EXT1: variants seen among roughly 807,000 people sequenced by gnomAD.
EXT1 encodes the protein exostosin glycosyltransferase 1, also known as exostosin-1.
EXT1 carries 20 observed loss-of-function variants against 82.5 expected under a neutral mutation model. The ratio of observed to expected loss-of-function variants is 0.24; its 90% CI spans 0.17 to 0.35. The LOEUF is 0.35. Among genes scored for constraint, EXT1 ranks in the 10% least tolerant of loss-of-function variants. The pLI is 1.00. For synonymous variants in EXT1, 348 were observed against 350.8 expected, an observed-to-expected ratio of 0.99 and a Z score of 0.09; for missense variants, 757 against 936.5, an observed-to-expected ratio of 0.81 and a Z score of 2.50.
chr8:117,965,422 TAGTGTTTCAA>T (rs1436858511), intron 1 of EXT1, among the ~76,000 whole-genome samples: 1 of 152,150 alleles, frequency 6.6e-6, no homozygotes, highest in African/African-American at 2.4e-5. Context: ...TATTTCCATT[TAGTGTTTCAA>T]TGGATACACT....
chr8:117,847,923 C>A (rs1812389515), intron 1 of EXT1, among the ~76,000 whole-genome samples: 1 of 152,208 alleles, frequency 6.6e-6, no homozygotes, highest in Non-Finnish European at 1.5e-5. Context: ...GGAATGTCAG[C>A]TGATGCCACC....
intron 10 of EXT1, among the ~76,000 whole-genome samples, chr8:117,803,672 A>G (rs139512919): frequency 5.3e-4 from 80 of 152,328 alleles, no homozygotes; most frequent in African/African-American, 1.9e-3. Flanking sequence ...TTACTGGGCA[A>G]CTTGTGGCAA....
intron 1 of EXT1, among the ~76,000 whole-genome samples, chr8:118,096,369 T>TTG (rs1452573830): frequency 6.6e-6 from 1 of 152,148 alleles, no homozygotes; most frequent in Non-Finnish European, 1.5e-5. Flanking sequence ...ACGCCTGTAA[T>TTG]CCCAGCACTT....
intron 1 of EXT1, among the ~76,000 whole-genome samples, chr8:117,859,080 G>GT (rs1380347751): frequency 6.6e-6 from 1 of 151,896 alleles, no homozygotes; most frequent in Non-Finnish European, 1.5e-5. Flanking sequence ...ATATATTGAG[G>GT]TTTTTTTAGA....
At chr8:118,099,508 G>T (rs1817678286) in intron 1 of EXT1, among the ~76,000 whole-genome samples, 1 of 152,202 alleles carries the variant, frequency 6.6e-6, no homozygotes, top group African/African-American at 2.4e-5. Flanking sequence ...TCATACTATT[G>T]TTTGTGAGTG....
At chr8:117,993,976 T>G (rs1444687980) in intron 1 of EXT1, among the ~76,000 whole-genome samples, 2 of 152,174 alleles carry the variant, frequency 1.3e-5, no homozygotes, top group Non-Finnish European at 2.9e-5. Flanking sequence ...AAGAGATGAC[T>G]CAAATTAAGA....
At chr8:117,892,256 T>G (rs760093319) in intron 1 of EXT1, among the ~76,000 whole-genome samples, 3 of 152,188 alleles carry the variant, frequency 2.0e-5, no homozygotes, top group Non-Finnish European at 2.9e-5. Flanking sequence ...CACTGCTAAG[T>G]GATGCTTAAG....
intron 1 of EXT1, among the ~76,000 whole-genome samples, chr8:117,995,224 C>T (rs1815512399): frequency 6.6e-6 from 1 of 152,198 alleles, no homozygotes; most frequent in Non-Finnish European, 1.5e-5. Flanking sequence ...TTCTAACCCA[C>T]TCTAGCTCAG....
chr8:117,811,558 T>C (rs1422201553), intron 8 of EXT1, among the ~76,000 whole-genome samples: 2 of 152,086 alleles, frequency 1.3e-5, no homozygotes, highest in Non-Finnish European at 2.9e-5. Context: ...TTATTTAGGT[T>C]GCCCTTTGAC....
Position 118,080,660 on chromosome 8 carries a change from C to T in EXT1, c.962+29425G>A, listed in dbSNP as rs541663019. Reference sequence around the variant, plus strand: ...TTTTAAAACTCGGCCAATAATAATGCCTTTTAAAGTGCAAGGATTTTTGCC... The same window carrying T: ...TTTTAAAACTCGGCCAATAATAATGTCTTTTAAAGTGCAAGGATTTTTGCC... On this transcript the variant is annotated intron_variant, in intron 1 of 10. Transcript: ENST00000378204. 5.3e-5 allele frequency among the ~76,000 whole-genome samples: 8 copies of T among 152,168 alleles called. No individual in the cohort carries two copies. In the East Asian group the frequency reaches 1.5e-3, roughly 29 times the overall value.
At chr8:117,954,638 A>G (rs1814554086) in intron 1 of EXT1, among the ~76,000 whole-genome samples, 1 of 152,216 alleles carries the variant, frequency 6.6e-6, no homozygotes, top group Non-Finnish European at 1.5e-5. Flanking sequence ...ATACAAGGAT[A>G]TAATTCAAAA....
chr8:118,024,013 A>G (rs74476275), intron 1 of EXT1, among the ~76,000 whole-genome samples: 168 of 152,346 alleles, frequency 1.1e-3, no homozygotes, highest in African/African-American at 3.8e-3. Flanking sequence ...GTAAGTCTAG[A>G]GTGGACATTG....
intron 1 of EXT1, among the ~76,000 whole-genome samples, chr8:117,890,866 A>G (rs573411122): frequency 8.9e-4 from 135 of 152,308 alleles, no homozygotes; most frequent in Non-Finnish European, 1.5e-3. Context: ...CGCTACTACA[A>G]TAACTATCAC....
intron 1 of EXT1, among the ~76,000 whole-genome samples, chr8:117,922,862 T>C (rs890772393): frequency 6.6e-6 from 1 of 152,204 alleles, no homozygotes; most frequent in African/African-American, 2.4e-5. Flanking sequence ...CAGTTTCCAT[T>C]GCTTTCTGCA....
At chr8:118,087,984 G>T (rs1447000573) in intron 1 of EXT1, among the ~76,000 whole-genome samples, 2 of 147,800 alleles carry the variant, frequency 1.4e-5, no homozygotes, top group Admixed American at 6.7e-5. Flanking sequence ...TCTGTGAAGA[G>T]AACTGCTTTT....
At chr8:117,950,764 C>G (rs1227745533) in intron 1 of EXT1, among the ~76,000 whole-genome samples, 2 of 152,126 alleles carry the variant, frequency 1.3e-5, no homozygotes, top group Non-Finnish European at 2.9e-5. Context: ...GAAATGTACA[C>G]AAAGATGTTA....
chr8:117,889,754 T>C (rs1184989293), intron 1 of EXT1, among the ~76,000 whole-genome samples: 3 of 152,220 alleles, frequency 2.0e-5, no homozygotes, highest in African/African-American at 7.2e-5. Flanking sequence ...TTGCATACAA[T>C]GGCACTATAT....
At position 118,080,539 on chromosome 8, in the gene EXT1, A is replaced by G. The variant is rs547861595; in HGVS notation, c.962+29546T>C. 4.0e-4 allele frequency among the ~76,000 whole-genome samples: 61 copies of G among 152,320 alleles called. No homozygotes were observed. In the South Asian group the frequency reaches 0.013, roughly 32 times the overall value. ...TTTTTAAAGGAGATTAGTTTTAATC[A>G]AATACTTAACCTTTTATATCACTTG... On this transcript the variant is annotated intron_variant, in intron 1 of 10. Transcript: ENST00000378204.
Position 117,875,420 on chromosome 8 carries a change from C to CTAAA in EXT1, c.963-38223_963-38220dup, listed in dbSNP as rs67268592. Among the ~76,000 whole-genome samples, 696 of 139,290 alleles carry CTAAA rather than the reference C, an allele frequency of 5.0e-3. 1 individual carries two copies. Among genetic ancestry groups the CTAAA allele is most frequent in the African/African-American group, 5.1e-3 (191 of 37,602 alleles). 91.4% of individuals were successfully genotyped at this position (139,290 alleles called of 152,430 possible). ...TGGGTGATAGAGTGAAACTACCTCT[C>CTAAA]TAAATAAATAAATAAATAAATAAAT... On this transcript the variant is annotated intron_variant, in intron 1 of 10. Coordinates refer to ENST00000378204, the MANE Select transcript of EXT1 (RefSeq NM_000127.3).
Sources: gnomAD v4.1 joint callset for allele counts (sites outside exome capture counted in the v4.1 genomes callset) on GRCh38, gnomAD v4.1.1 for gene constraint, MANE v1.5 for transcripts, NCBI Gene and HGNC (gene_info 2026-07-23, HGNC 2026-07-21) for gene names.